Variants in ZNF236 observed in about 807,000 individuals in gnomAD.
The protein encoded by ZNF236 is zinc finger protein 236, also known as regulated by glucose.
Under a neutral mutation model 191.2 loss-of-function variants are expected in ZNF236, and 50 were observed. The ratio of observed to expected loss-of-function variants is 0.26; its 90% CI spans 0.21 to 0.33. The LOEUF (loss-of-function observed/expected upper bound fraction) is 0.33. Ranked by LOEUF, ZNF236 falls within the 10% of genes least tolerant of loss-of-function variation. The pLI, the probability that ZNF236 is intolerant of heterozygous loss-of-function variation, is 1.00. For missense variants in ZNF236, 1,754 were observed against 2,374.5 expected (o/e 0.74, Z 5.43); for synonymous variants, 907 against 928.8 (o/e 0.98, Z 0.43).
At chr18:76,914,572 T>C (rs1967305614) in intron 18 of ZNF236, among the ~76,000 whole-genome samples, 1 of 152,214 alleles carries the variant, frequency 6.6e-6, no homozygotes, top group Non-Finnish European at 1.5e-5. Flanking sequence ...GCTTCTCTTA[T>C]GACCGGCCTT....
chr18:76,925,235 G>A lies in ZNF236; in HGVS notation c.3708G>A (p.Thr1236=), dbSNP rs1967641692. The A allele has an allele frequency of 6.2e-7, 1 of 1,614,164 alleles. No individual in the cohort carries two copies. Among genetic ancestry groups the A allele is most frequent in the South Asian group, 1.1e-5 (1 of 91,078 alleles). The change falls in exon 22 of 31, where the codon ACG becomes ACA. Residue 1236 remains threonine (T), a synonymous_variant. Coordinates refer to ENST00000320610, the MANE Select transcript of ZNF236 (RefSeq NM_001306089.2). The surrounding 1 kb of genome is among the most constrained non-coding windows in gnomAD (Gnocchi z 5.7). ...SCHVCSNAFS[T]KGSLKVHMRL... is the part of the protein sequence containing the mutation. Reference sequence around the variant, plus strand: ...ACGTCTGCAGCAACGCCTTCTCCACGAAGGGAAGTCTGAAGGTCCACATGC... The same window carrying A: ...ACGTCTGCAGCAACGCCTTCTCCACAAAGGGAAGTCTGAAGGTCCACATGC...
intron 1 of ZNF236, among the ~76,000 whole-genome samples, chr18:76,837,693 A>G (rs1975378059): frequency 6.6e-6 from 1 of 151,986 alleles, no homozygotes; most frequent in African/African-American, 2.4e-5. Context: ...CCGCCCGCCT[A>G]GCCTCCCAAA....
intron 11 of ZNF236, 57 bp from the exon 12 acceptor site, chr18:76,904,323 T>C: frequency 6.7e-7 from 1 of 1,495,568 alleles, no homozygotes; most frequent in South Asian, 1.4e-5. Flanking sequence ...CTTGTGACAT[T>C]TAATTGTATT....
chr18:76,871,875 G>A, intron 5 of ZNF236, 50 bp downstream of exon 5: 3 of 1,604,596 alleles, frequency 1.9e-6, no homozygotes, highest in Non-Finnish European at 2.6e-6. Context: ...TGGAAGGGAA[G>A]AACAGGTGCC....
intron 3 of ZNF236, among the ~76,000 whole-genome samples, chr18:76,866,721 G>T (rs1280314150): frequency 6.6e-6 from 1 of 152,136 alleles, no homozygotes; most frequent in African/African-American, 2.4e-5. Flanking sequence ...CTGTATGGAG[G>T]GTGCAGTAAG....
chr18:76,905,160 A>G lies in ZNF236; in HGVS notation c.2042A>G (p.His681Arg). The G allele has an allele frequency of 6.2e-7, 1 of 1,611,504 alleles. No individual in the cohort carries two copies. Among genetic ancestry groups the G allele is most frequent in the Non-Finnish European group, 8.5e-7 (1 of 1,178,636 alleles). The change falls in exon 13 of 31, where the codon CAT (histidine) becomes CGT (arginine). Residue 681 changes from histidine to arginine, a missense_variant. Physicochemically the swap from His to Arg is conservative, Grantham distance 29. Around this residue, in one of 5 missense-constraint regions of ZNF236, gnomAD observed 641 missense variants for 869.6 expected, o/e 0.74. Transcript: ENST00000320610. ...AATGTGTATTTTTTTTTAAGATCCC[A>G]TACAGGTGAAAAACCTTTTAAATGT... ...SCHLKQHIRS[H>R]TGEKPFKCSQ... is the part of the protein sequence containing the mutation.
rs1338150284 is a variant in ZNF236 at position 76,960,631 on chromosome 18, C to G, written c.5243-48C>G. The stretch of plus-strand genomic sequence containing the variant: ...ATACCTCAGGGTAGAGCCCAGGCAT[C>G]CACTATACTTTTCTTAGAGACATTG... On this transcript the variant is annotated intron_variant, in intron 29 of 30. Transcript: ENST00000320610. The surrounding 1 kb of genome is among the most constrained non-coding windows in gnomAD (Gnocchi z 4.4). 1 of 1,607,202 alleles carries G rather than the reference C, an allele frequency of 6.2e-7. No individual in the cohort carries two copies. The highest frequency in any genetic ancestry group is 8.5e-7 in the Non-Finnish European group (1 of 1,174,270).
intron 27 of ZNF236, among the ~76,000 whole-genome samples, chr18:76,949,218 A>T (rs949391786): frequency 1.3e-5 from 2 of 152,194 alleles, no homozygotes; most frequent in Admixed American, 6.5e-5. Context: ...CCTATATTTT[A>T]TGTGACTAGT....
At chr18:76,825,580 A>AG (rs1974991422) in intron 1 of ZNF236, among the ~76,000 whole-genome samples, 1 of 150,130 alleles carries the variant, frequency 6.7e-6, no homozygotes, top group Admixed American at 6.7e-5. Context: ...GAGACATTAC[A>AG]AAGATTTGTA....
rs544407692 is a variant in ZNF236, at chr18:76,924,268, A to G, written c.3662-921A>G. On this transcript the variant is annotated intron_variant, in intron 21 of 30. Transcript: ENST00000320610. The stretch of plus-strand genomic sequence containing the variant: ...AGGCCTAGGGCACGGCCTCTCATGC[A>G]GCAGGTGCCCAGTGACGTCCACGAT... 2.0e-5 allele frequency among the ~76,000 whole-genome samples: 3 copies of G among 152,344 alleles called. No homozygotes were observed. In the East Asian group the frequency reaches 5.8e-4, roughly 29 times the overall value.
intron 28 of ZNF236, 130 bp downstream of exon 28, chr18:76,956,312 C>A: frequency 9.5e-7 from 1 of 1,049,522 alleles, no homozygotes; most frequent in East Asian, 2.6e-5. Flanking sequence ...AGGAAAAGGT[C>A]ACTAGATGTA....
rs1977627427 is a variant in ZNF236 at position 76,902,610 on chromosome 18, C to CA, written c.1895-1769dup. Reference sequence around the variant, plus strand: ...TTCTTGAGACAGAGTCTCACTCTGTCACCCAGGCTGGAGTGCAATGGTACG... The same window carrying CA: ...TTCTTGAGACAGAGTCTCACTCTGTCAACCCAGGCTGGAGTGCAATGGTACG... On this transcript the variant is annotated intron_variant, in intron 11 of 30. Coordinates refer to ENST00000320610, the MANE Select transcript of ZNF236 (RefSeq NM_001306089.2). 2.0e-5 allele frequency among the ~76,000 whole-genome samples: 3 copies of CA among 152,150 alleles called. No homozygotes were observed. In the South Asian group the frequency reaches 6.2e-4, roughly 32 times the overall value.
intron 21 of ZNF236, among the ~76,000 whole-genome samples, chr18:76,924,291 G>C (rs1051219590): frequency 1.3e-5 from 2 of 152,238 alleles, no homozygotes; most frequent in African/African-American, 4.8e-5. Flanking sequence ...TGACGTCCAC[G>C]ATGACTTGGT....
rs77048911 is a variant in ZNF236, at chr18:76,881,454, G to A, written c.1359G>A (p.Pro453=). The A allele has an allele frequency of 1.6e-3, 2,611 of 1,613,710 alleles. 34 individuals carry two copies. The African/African-American group carries it at 0.028, about 17-fold the overall frequency. Reference sequence around the variant, plus strand: ...AGCAAGAAAAAGAACAGGAAAGCCCGGAGAAACTGGATAAAAAAGAAAAAA... The same window carrying A: ...AGCAAGAAAAAGAACAGGAAAGCCCAGAGAAACTGGATAAAAAAGAAAAAA... ...DAEQEKEQES[P]EKLDKKEKKM... Residue 453 remains proline, a synonymous_variant, in exon 9 of 31, where the codon CCG becomes CCA. Transcript: ENST00000320610.
chr18:76,951,632 T>C (rs967914788), intron 27 of ZNF236, among the ~76,000 whole-genome samples: 1 of 152,236 alleles, frequency 6.6e-6, no homozygotes, highest in African/African-American at 2.4e-5. Context: ...TCAGCAACAG[T>C]GCAGTTTCAC....
chr18:76,840,311 A>G (rs915472393), intron 1 of ZNF236, among the ~76,000 whole-genome samples: 2 of 152,220 alleles, frequency 1.3e-5, no homozygotes, highest in African/African-American at 4.8e-5. Flanking sequence ...CCTGACCAAC[A>G]TGGTGAAACC....
intron 30 of ZNF236, among the ~76,000 whole-genome samples, chr18:76,963,110 A>G (rs1039103234): frequency 5.3e-5 from 8 of 152,170 alleles, no homozygotes; most frequent in Non-Finnish European, 8.8e-5. Flanking sequence ...TGCCACTGCT[A>G]TGTTGAAGAG....
chr18:76,940,875 G>A (rs1038302100), intron 26 of ZNF236, among the ~76,000 whole-genome samples: 1 of 152,188 alleles, frequency 6.6e-6, no homozygotes, highest in Non-Finnish European at 1.5e-5. Flanking sequence ...GGGCCAGAGA[G>A]CATTACTGCC....
chr18:76,849,651 C>T lies in ZNF236; in HGVS notation c.181C>T (p.His61Tyr), dbSNP rs1441751164. Residue 61 changes from histidine to tyrosine, a missense_variant, in exon 2 of 31, where the codon CAC becomes TAC. Transcript: ENST00000320610. ...ESQFQRHMRD[H>Y]ERNDKPHRCD... The stretch of plus-strand genomic sequence containing the variant: ...CCAGTTTCAACGCCACATGAGGGAT[C>T]ACGAGCGAAATGACAAGGTATGTAT... The T allele has an allele frequency of 1.3e-6, 2 of 1,587,664 alleles. No individual in the cohort carries two copies. The highest frequency in any genetic ancestry group is 8.5e-7 in the Non-Finnish European group (1 of 1,170,760).
Sources: allele counts gnomAD v4.1 joint callset (sites outside exome capture counted in the v4.1 genomes callset), GRCh38; gene constraint gnomAD v4.1.1; regional missense constraint gnomAD v4.1.1; non-coding constraint Gnocchi (gnomAD v3.1); transcripts MANE v1.5; gene names NCBI Gene and HGNC (gene_info 2026-07-23, HGNC 2026-07-21).